The following PCSK5 variants were observed in gnomAD, a reference collection of about 807,000 sequenced individuals.
PCSK5 encodes prohormone convertase 5.
In PCSK5, 129 loss-of-function variants were observed where a neutral mutation model predicts 233.2. The ratio of observed to expected loss-of-function variants is 0.55; its 90% CI spans 0.48 to 0.64. The LOEUF is 0.64. Ranked by LOEUF, PCSK5 falls within the 30% of genes least tolerant of loss-of-function variation. The pLI is 0.00. For synonymous variants in PCSK5, 825 were observed against 879.2 expected (o/e 0.94, Z 1.09); for missense variants, 2,076 against 2,430.1 (o/e 0.85, Z 3.06).
chr9:75,976,921 A>G (rs903035945), intron 2 of PCSK5, among the ~76,000 whole-genome samples: 8 of 152,002 alleles, frequency 5.3e-5, no homozygotes, highest in African/African-American at 1.9e-4. Flanking sequence ...ATTTTCCCCT[A>G]TGTAAGTACT....
At chr9:76,234,649 T>C (rs182688488) in intron 22 of PCSK5, among the ~76,000 whole-genome samples, 10 of 152,244 alleles carry the variant, frequency 6.6e-5, no homozygotes, top group Non-Finnish European at 1.0e-4. Context: ...TTATTCTGTT[T>C]CCTTCTTCAT....
chr9:76,312,230 G>A (rs897994828), intron 30 of PCSK5, among the ~76,000 whole-genome samples: 3 of 152,154 alleles, frequency 2.0e-5, no homozygotes, highest in African/African-American at 7.2e-5. Context: ...CTATTTCCTG[G>A]CTGGGCGTGG....
At chr9:76,173,711 G>A (rs866307981) in intron 13 of PCSK5, among the ~76,000 whole-genome samples, 2 of 151,726 alleles carry the variant, frequency 1.3e-5, no homozygotes, top group South Asian at 2.1e-4. Context: ...GGTGGCTCAC[G>A]TCTGTAATCC....
intron 24 of PCSK5, among the ~76,000 whole-genome samples, chr9:76,252,798 A>G (rs187403801): frequency 6.6e-6 from 1 of 152,344 alleles, no homozygotes; most frequent in Non-Finnish European, 1.5e-5. Context: ...ATCTTTCCAT[A>G]GGAAGTGAGA....
chr9:75,931,971 C>T (rs1823825798), intron 1 of PCSK5, among the ~76,000 whole-genome samples: 1 of 152,210 alleles, frequency 6.6e-6, no homozygotes, highest in Non-Finnish European at 1.5e-5. Context: ...CAAGGTCCTT[C>T]ATTGTACATT....
chr9:76,031,285 T>G (rs1828643478), intron 5 of PCSK5, among the ~76,000 whole-genome samples: 1 of 152,206 alleles, frequency 6.6e-6, no homozygotes, highest in Non-Finnish European at 1.5e-5. Flanking sequence ...CTTTGTAGTT[T>G]AGAGAAGTTG....
chr9:75,891,120 T>A lies in PCSK5; in HGVS notation c.-62T>A. ...GGCGGCGCAGGCCGGAGAAGTTAGT[T>A]GTGCGCGCCCTTAGTGCGCGGAACC... On this transcript the variant is annotated 5_prime_UTR_variant, in exon 1 of 38. Coordinates refer to ENST00000674117, the MANE Select transcript of PCSK5 (RefSeq NM_001372043.1). 7.6e-7 allele frequency: 1 copy of A among 1,311,812 alleles called. No individual in the cohort carries two copies. Among genetic ancestry groups the A allele is most frequent in the Non-Finnish European group, 9.9e-7 (1 of 1,008,380 alleles). The allele number at this position is 1,311,812 out of a possible 1,614,324, so 81.3% of individuals were successfully genotyped here. A position where few individuals can be genotyped will look rare whatever the true frequency, so the allele number is the denominator to read the frequency against.
At chr9:76,166,352 A>T (rs1201096828) in intron 12 of PCSK5, among the ~76,000 whole-genome samples, 2 of 152,132 alleles carry the variant, frequency 1.3e-5, no homozygotes, top group African/African-American at 2.4e-5. Flanking sequence ...CACTTACTTG[A>T]ATTCTGATTT....
chr9:75,937,764 C>T (rs899223649), intron 2 of PCSK5, among the ~76,000 whole-genome samples: 3 of 152,234 alleles, frequency 2.0e-5, no homozygotes, highest in Admixed American at 1.3e-4. Context: ...GCTGCAGCTT[C>T]TCATCAGCAC....
intron 5 of PCSK5, among the ~76,000 whole-genome samples, chr9:76,049,992 T>G (rs1175703798): frequency 6.6e-6 from 1 of 152,242 alleles, no homozygotes; most frequent in Non-Finnish European, 1.5e-5. Context: ...AATTATTGTC[T>G]ATGATTCAGG....
At chr9:76,001,227 T>A (rs1219737999) in intron 3 of PCSK5, among the ~76,000 whole-genome samples, 1 of 152,174 alleles carries the variant, frequency 6.6e-6, no homozygotes, top group East Asian at 1.9e-4. Flanking sequence ...CCATCAGCAC[T>A]GTGATAGCTG....
At chr9:76,078,053 AT>A (rs1830700416) in intron 7 of PCSK5, among the ~76,000 whole-genome samples, 1 of 152,062 alleles carries the variant, frequency 6.6e-6, no homozygotes, top group Non-Finnish European at 1.5e-5. Flanking sequence ...GATGTGGAAA[AT>A]TTTTTCATAT....
At chr9:76,063,319 C>CTTTT (rs1157596601) in intron 5 of PCSK5, among the ~76,000 whole-genome samples, 182 of 59,706 alleles carry the variant, frequency 3.0e-3, no homozygotes, top group East Asian at 4.9e-3. Context: ...TTTCTTTTTT[C>CTTTT]TTTTTTTTTT....
intron 7 of PCSK5, among the ~76,000 whole-genome samples, chr9:76,093,080 CTTTTTTTTTT>C (rs71372045): frequency 1.9e-4 from 16 of 85,706 alleles, no homozygotes; most frequent in Admixed American, 1.3e-3. Flanking sequence ...TTGTCTTTCC[CTTTTTTTTTT>C]TTTTTTTTTT....
chr9:76,349,045 G>A (rs1254810151), intron 35 of PCSK5, among the ~76,000 whole-genome samples: 1 of 152,080 alleles, frequency 6.6e-6, no homozygotes, highest in African/African-American at 2.4e-5. Context: ...GCTGAGGTGG[G>A]AGGATCACCA....
At chr9:76,158,494 A>C (rs1197410585) in intron 11 of PCSK5, among the ~76,000 whole-genome samples, 2 of 152,164 alleles carry the variant, frequency 1.3e-5, no homozygotes, top group East Asian at 3.9e-4. Context: ...GAACCTATAG[A>C]CAAGAGGGAA....
chr9:75,989,684 G>A (rs938655678), intron 3 of PCSK5, among the ~76,000 whole-genome samples: 23 of 152,134 alleles, frequency 1.5e-4, no homozygotes, highest in Non-Finnish European at 2.9e-5. Flanking sequence ...TCCTCTCTAT[G>A]TGGGCCTCAC....
At chr9:76,033,252 GA>G (rs576461209) in intron 5 of PCSK5, among the ~76,000 whole-genome samples, 61 of 152,026 alleles carry the variant, frequency 4.0e-4, no homozygotes, top group African/African-American at 1.3e-3. Context: ...AGTACTAGAG[GA>G]AAAAAACACA....
intron 2 of PCSK5, among the ~76,000 whole-genome samples, chr9:75,968,423 A>G (rs1419146931): frequency 6.6e-6 from 1 of 152,252 alleles, no homozygotes; most frequent in African/African-American, 2.4e-5. Flanking sequence ...AATCTTCCAG[A>G]TGCCAGGGAC....
Sources: allele counts gnomAD v4.1 joint callset (sites outside exome capture counted in the v4.1 genomes callset), GRCh38; gene constraint gnomAD v4.1.1; transcripts MANE v1.5; gene names NCBI Gene and HGNC (gene_info 2026-07-23, HGNC 2026-07-21).